LONRF1: variants seen among roughly 807,000 people sequenced by gnomAD.
LONRF1 encodes LON peptidase N-terminal domain and ring finger 1.
Under a neutral mutation model 85.8 loss-of-function variants are expected in LONRF1, and 37 were observed. The observed-to-expected ratio is 0.43, with a 90% CI of 0.33 to 0.57. The LOEUF (loss-of-function observed/expected upper bound fraction) is 0.57. Ranked by LOEUF, LONRF1 falls within the 20% of genes least tolerant of loss-of-function variation. The pLI is 0.04. For missense variants in LONRF1, 1,036 were observed against 978.0 expected (o/e 1.06, Z -0.79); for synonymous variants, 517 against 390.1 (o/e 1.33, Z -3.83).
chr8:12,744,607 A>T (rs566201646), intron 1 of LONRF1, among the ~76,000 whole-genome samples: 2 of 152,302 alleles, frequency 1.3e-5, no homozygotes, highest in Non-Finnish European at 2.9e-5. Context: ...CTAGCTAGAA[A>T]ATTTTACTGT....
In LONRF1 at chr8:12,735,415, G is replaced by A. The variant is rs1798679995; in HGVS notation, c.1452-15C>T. ...CAAAAAACAACCTGAAATCAACCAA[G>A]ATACATGTTAGTTTTCACATTAAAC... On this transcript the variant is annotated splice_polypyrimidine_tract_variant and intron_variant, in intron 6 of 11. Coordinates refer to ENST00000398246, the MANE Select transcript of LONRF1 (RefSeq NM_152271.5). 2 of 1,510,164 alleles carry A rather than the reference G, an allele frequency of 1.3e-6. No homozygotes were observed. The highest frequency in any genetic ancestry group is 2.8e-5 in the African/African-American group (2 of 72,706). The allele number at this position is 1,510,164 out of a possible 1,614,324, so 93.5% of individuals were successfully genotyped here. A position where few individuals can be genotyped will look rare whatever the true frequency, so the allele number is the denominator to read the frequency against.
At position 12,726,651 on chromosome 8, in the gene LONRF1, C is replaced by T. The variant is rs78936089; in HGVS notation, c.2011-772G>A. ...CCATCTTATACTGATTTCTTTAATG[C>T]ACACTTACATCCCACTTGCTACTTG... On this transcript the variant is annotated intron_variant, in intron 10 of 11. Transcript: ENST00000398246. Among the ~76,000 whole-genome samples the T allele has an allele frequency of 7.4e-3, 1,132 of 152,290 alleles. 9 individuals are homozygous for T. The highest frequency in any genetic ancestry group is 0.026 in the African/African-American group (1,089 of 41,548).
chr8:12,735,723 A>C (rs1452538598), intron 6 of LONRF1: 1 of 195,296 alleles, frequency 5.1e-6, no homozygotes, highest in Non-Finnish European at 1.0e-5. Flanking sequence ...CTGAATGTAA[A>C]ATACATACCA....
At chr8:12,750,322 T>G (rs1056197880) in intron 1 of LONRF1, among the ~76,000 whole-genome samples, 2 of 152,194 alleles carry the variant, frequency 1.3e-5, no homozygotes, top group African/African-American at 4.8e-5. Flanking sequence ...AGCAAGAGCC[T>G]CCCTTTACCC....
chr8:12,730,508 C>G (rs945406193), intron 8 of LONRF1, among the ~76,000 whole-genome samples: 1 of 152,160 alleles, frequency 6.6e-6, no homozygotes, highest in African/African-American at 2.4e-5. Context: ...TAGTAAGCAG[C>G]TGGACACCCT....
At chr8:12,749,435 C>T (rs1486605461) in intron 1 of LONRF1, among the ~76,000 whole-genome samples, 1 of 152,118 alleles carries the variant, frequency 6.6e-6, no homozygotes, top group Non-Finnish European at 1.5e-5. Context: ...AAAACAATTC[C>T]AATTTTGAGA....
At chr8:12,746,910 T>C (rs921258196) in intron 1 of LONRF1, among the ~76,000 whole-genome samples, 2 of 152,226 alleles carry the variant, frequency 1.3e-5, no homozygotes, top group Non-Finnish European at 2.9e-5. Flanking sequence ...CGGTGCATAG[T>C]ACTTAGAACA....
At chr8:12,733,343 G>C (rs1029697029) in intron 7 of LONRF1, among the ~76,000 whole-genome samples, 1 of 151,930 alleles carries the variant, frequency 6.6e-6, no homozygotes, top group African/African-American at 2.4e-5. Flanking sequence ...ACATTTCTGG[G>C]GATGAGGCAA....
chr8:12,728,904 A>G lies in LONRF1; in HGVS notation c.2007T>C (p.Val669=). The G allele has an allele frequency of 1.2e-6, 2 of 1,613,832 alleles. No homozygotes were observed. Among genetic ancestry groups the G allele is most frequent in the Non-Finnish European group, 1.7e-6 (2 of 1,179,766 alleles). The change falls in exon 10 of 12, where the codon GTT becomes GTC. Residue 669 remains valine (V), a synonymous_variant. Coordinates refer to ENST00000398246, the MANE Select transcript of LONRF1 (RefSeq NM_152271.5). The part of the protein sequence containing the change: ...CTADIEYLED[V]KVENEDEIKN... ...GGCAAAGCACATTTTAAAATACCTT[A>G]ACATCTTCCAGATATTCAATGTCGG...
Position 12,755,286 on chromosome 8 carries a change from C to T in LONRF1, c.135G>A (p.Ser45=). 3.2e-6 allele frequency: 4 copies of T among 1,245,712 alleles called. No individual in the cohort carries two copies. The highest frequency in any genetic ancestry group is 2.8e-5 in the South Asian group (1 of 35,594). The allele number at this position is 1,245,712 out of a possible 1,614,324, so 77.2% of individuals were successfully genotyped here. ...GHRLERAAAE[S]ERWELLLRRG... is the part of the protein sequence containing the mutation. ...GGCGGAGCAGCAGCTCCCAGCGCTCCGACTCCGCGGCCGCGCGCTCCAGCC... is the reference window on the plus strand; with the variant it reads ...GGCGGAGCAGCAGCTCCCAGCGCTCTGACTCCGCGGCCGCGCGCTCCAGCC... Residue 45 remains serine, a synonymous_variant, in exon 1 of 12, where the codon TCG becomes TCA. Coordinates refer to ENST00000398246, the MANE Select transcript of LONRF1 (RefSeq NM_152271.5).
At chr8:12,723,321 C>A in intron 11 of LONRF1, 67 bp from the exon 12 acceptor site, 2 of 1,450,320 alleles carry the variant, frequency 1.4e-6, no homozygotes, top group African/African-American at 1.4e-5. Flanking sequence ...TAGCAAACCA[C>A]CAAAAAATTA....
intron 3 of LONRF1, among the ~76,000 whole-genome samples, chr8:12,739,081 A>G (rs979826898): frequency 1.3e-5 from 2 of 152,140 alleles, no homozygotes; most frequent in Non-Finnish European, 1.5e-5. Flanking sequence ...GTTTTAAAAA[A>G]TAAATTAAAC....
chr8:12,749,915 C>T (rs1444717818), intron 1 of LONRF1, among the ~76,000 whole-genome samples: 1 of 152,138 alleles, frequency 6.6e-6, no homozygotes, highest in Non-Finnish European at 1.5e-5. Context: ...CTTTATTTTA[C>T]TCCTTTTTTA....
chr8:12,734,439 C>T (rs6530959), intron 7 of LONRF1, among the ~76,000 whole-genome samples: 145,162 of 152,232 alleles, frequency 0.95, 69,589 homozygotes, highest in East Asian at 1. Flanking sequence ...CTGTCAATCA[C>T]CAGAGACAGA....
Position 12,755,454 on chromosome 8 carries a change from G to T in LONRF1, c.-34C>A, listed in dbSNP as rs933238397. On this transcript the variant is annotated 5_prime_UTR_variant, in exon 1 of 12. Transcript: ENST00000398246. ...GAGGGCTGCGCCGCCGCCGCCCGCCGCCACGGTCCCGGAGCCTCCCGGGCG... is the reference window on the plus strand; with the variant it reads ...GAGGGCTGCGCCGCCGCCGCCCGCCTCCACGGTCCCGGAGCCTCCCGGGCG... 71 of 1,093,306 alleles carry T rather than the reference G, an allele frequency of 6.5e-5. No homozygotes were observed. The highest frequency in any genetic ancestry group is 7.4e-5 in the Non-Finnish European group (66 of 896,648). The allele number at this position is 1,093,306 out of a possible 1,614,324, so 67.7% of individuals were successfully genotyped here.
intron 10 of LONRF1, among the ~76,000 whole-genome samples, chr8:12,726,646 T>C (rs568115887): frequency 6.6e-6 from 1 of 152,360 alleles, no homozygotes; most frequent in South Asian, 2.1e-4. Context: ...CTGATTTCTT[T>C]AATGCACACT....
intron 10 of LONRF1, 32 bp downstream of exon 10, chr8:12,728,868 GA>G: frequency 6.2e-7 from 1 of 1,612,246 alleles, no homozygotes; most frequent in Middle Eastern, 1.7e-4. Context: ...CAGGATATAC[GA>G]AAGTATGCTG....
At chr8:12,734,778 C>T (rs181591026) in intron 7 of LONRF1, among the ~76,000 whole-genome samples, 85 of 152,246 alleles carry the variant, frequency 5.6e-4, no homozygotes, top group Middle Eastern at 3.4e-3. Flanking sequence ...AAATATAGTT[C>T]CTCAGTGACA....
chr8:12,737,780 T>C (rs1798776874), intron 4 of LONRF1, among the ~76,000 whole-genome samples: 1 of 152,212 alleles, frequency 6.6e-6, no homozygotes, highest in African/African-American at 2.4e-5. Flanking sequence ...CTAAAAGTTT[T>C]CTTTCACGGG....
Sources: allele counts gnomAD v4.1 joint callset (sites outside exome capture counted in the v4.1 genomes callset), GRCh38; gene constraint gnomAD v4.1.1; transcripts MANE v1.5; gene names NCBI Gene and HGNC (gene_info 2026-07-23, HGNC 2026-07-21).